The following NR6A1 variants were observed in gnomAD, a reference collection of about 807,000 sequenced individuals.
The protein encoded by NR6A1 is retinoic acid receptor-related testis-associated receptor.
NR6A1 carries 7 observed loss-of-function variants against 59.1 expected under a neutral mutation model. The ratio of observed to expected loss-of-function variants is 0.12; its 90% CI spans 0.07 to 0.22. The LOEUF is 0.22. Ranked by LOEUF, NR6A1 falls within the 10% of genes least tolerant of loss-of-function variation. The pLI is 1.00. For synonymous variants in NR6A1, 243 were observed against 236.1 expected (o/e 1.03, Z -0.27); for missense variants, 468 against 611.6 (o/e 0.77, Z 2.48).
chr9:124,702,105 A>G (rs772891574), intron 2 of NR6A1, among the ~76,000 whole-genome samples: 1 of 152,172 alleles, frequency 6.6e-6, no homozygotes, highest in Non-Finnish European at 1.5e-5. Context: ...TTGAAATGCA[A>G]AAGTTTTACA....
chr9:124,769,678 G>T (rs879304912), intron 1 of NR6A1, among the ~76,000 whole-genome samples: 13 of 152,228 alleles, frequency 8.5e-5, no homozygotes, highest in Non-Finnish European at 1.9e-4. Context: ...CGCAGCGAGG[G>T]GAGGAGGCAC....
At chr9:124,576,654 T>C (rs998068297) in intron 2 of NR6A1, among the ~76,000 whole-genome samples, 2 of 152,240 alleles carry the variant, frequency 1.3e-5, no homozygotes, top group African/African-American at 4.8e-5. Context: ...CTCCGAGCTT[T>C]GGTTTCCTAA....
chr9:124,709,968 C>A (rs966818320), intron 2 of NR6A1, among the ~76,000 whole-genome samples: 1 of 151,442 alleles, frequency 6.6e-6, no homozygotes, highest in African/African-American at 2.4e-5. Flanking sequence ...AAAAGAAACC[C>A]AGTACTTTCT....
rs142323221 is a variant in NR6A1 at position 124,660,247 on chromosome 9, A to G, written c.142+73061T>C. On this transcript the variant is annotated intron_variant, in intron 2 of 9. Coordinates refer to ENST00000487099, the MANE Select transcript of NR6A1 (RefSeq NM_033334.4). ...AAACACTAAAAATTAAGAGAAAAGC[A>G]GCCAACTAATTAAATAGCTAGCCTT... 3.5e-4 allele frequency among the ~76,000 whole-genome samples: 54 copies of G among 152,346 alleles called. 2 individuals carry two copies. The East Asian group carries it at 0.01, about 29-fold the overall frequency.
intron 2 of NR6A1, among the ~76,000 whole-genome samples, chr9:124,562,147 G>A (rs1019487083): frequency 2.0e-5 from 3 of 152,144 alleles, no homozygotes; most frequent in Non-Finnish European, 4.4e-5. Flanking sequence ...GGTTTCCTCT[G>A]AGAAGAATCT....
rs1221139449 is a variant in NR6A1, at chr9:124,521,962, G to A, written c.*743C>T. On this transcript the variant is annotated 3_prime_UTR_variant, in exon 10 of 10. Transcript: ENST00000487099. ...AAGTTCGCAGTGGTAGACAATGATGGTGGTGCAGGGGTAAGGGGGGCAGCA... is the reference window on the plus strand; with the variant it reads ...AAGTTCGCAGTGGTAGACAATGATGATGGTGCAGGGGTAAGGGGGGCAGCA... 6.6e-6 allele frequency: 1 copy of A among 152,316 alleles called. No individual in the cohort carries two copies. Among genetic ancestry groups the A allele is most frequent in the Non-Finnish European group, 1.5e-5 (1 of 68,094 alleles). 9.4% of individuals were successfully genotyped at this position (152,316 alleles called of 1,614,324 possible). A position where few individuals can be genotyped will look rare whatever the true frequency, so the allele number is the denominator to read the frequency against.
In NR6A1 at chr9:124,596,532, G is replaced by A. The variant is rs527942389; in HGVS notation, c.143-41962C>T. On this transcript the variant is annotated intron_variant, in intron 2 of 9. Transcript: ENST00000487099. ...ATATTAGTTTGGAGAAAGGAAACTA[G>A]GTCTGCAAAATCCTTTTACAAAGCA... Among the ~76,000 whole-genome samples, 88 of 152,264 alleles carry A rather than the reference G, an allele frequency of 5.8e-4. 2 individuals carry two copies. In the South Asian group the frequency reaches 7.2e-3, roughly 13 times the overall value.
At position 124,517,600 on chromosome 9, in the gene NR6A1, A is replaced by G. The variant is rs1402241377; in HGVS notation, c.*5105T>C. The G allele has an allele frequency of 1.3e-5, 2 of 152,226 alleles. No individual in the cohort carries two copies. Among genetic ancestry groups the G allele is most frequent in the African/African-American group, 4.8e-5 (2 of 41,432 alleles). 9.4% of individuals were successfully genotyped at this position (152,226 alleles called of 1,614,324 possible). A position where few individuals can be genotyped will look rare whatever the true frequency, so the allele number is the denominator to read the frequency against. On this transcript the variant is annotated 3_prime_UTR_variant, in exon 10 of 10. Coordinates refer to ENST00000487099, the MANE Select transcript of NR6A1 (RefSeq NM_033334.4). ...GGTGGAGGTGGACCTAGGGCAGGTA[A>G]CCTGGGGGTAGGCTCGTGGATGTGT...
intron 3 of NR6A1, among the ~76,000 whole-genome samples, chr9:124,546,603 A>G (rs1047316127): frequency 6.6e-6 from 1 of 152,238 alleles, no homozygotes; most frequent in Non-Finnish European, 1.5e-5. Flanking sequence ...AAAACAGAAC[A>G]AAGTTTTAAT....
In NR6A1 at chr9:124,657,703, C is replaced by T. The variant is rs562382694; in HGVS notation, c.142+75605G>A. Among the ~76,000 whole-genome samples the T allele has an allele frequency of 5.5e-4, 84 of 152,186 alleles. 1 individual carries two copies. The South Asian group carries it at 0.017, about 31-fold the overall frequency. ...CGTGGCTGTCTTGCATGATTAAAGG[C>T]TATGTCACAGCTCAGTAGGGTCCAT... On this transcript the variant is annotated intron_variant, in intron 2 of 9. Transcript: ENST00000487099.
chr9:124,667,301 G>A (rs1224252159), intron 2 of NR6A1, among the ~76,000 whole-genome samples: 1 of 151,692 alleles, frequency 6.6e-6, no homozygotes, highest in African/African-American at 2.4e-5. Flanking sequence ...AAAGTGCTGG[G>A]ATTACAGGTG....
At chr9:124,546,062 C>T (rs946833213) in intron 3 of NR6A1, among the ~76,000 whole-genome samples, 2 of 152,230 alleles carry the variant, frequency 1.3e-5, no homozygotes. Flanking sequence ...TTGCGGTGAA[C>T]TGAGATGGTG....
intron 2 of NR6A1, among the ~76,000 whole-genome samples, chr9:124,585,154 T>C (rs1233249843): frequency 1.3e-5 from 2 of 151,996 alleles, no homozygotes; most frequent in Non-Finnish European, 2.9e-5. Context: ...TCTATGATGG[T>C]TGAGAGAGGT....
chr9:124,625,182 G>A (rs1836199577), intron 2 of NR6A1, among the ~76,000 whole-genome samples: 1 of 152,182 alleles, frequency 6.6e-6, no homozygotes, highest in Non-Finnish European at 1.5e-5. Flanking sequence ...CTCACTAGCT[G>A]TGAGACCTTG....
intron 2 of NR6A1, among the ~76,000 whole-genome samples, chr9:124,623,348 A>AATT (rs539637537): frequency 5.3e-5 from 8 of 151,664 alleles, no homozygotes; most frequent in Non-Finnish European, 1.2e-4. Flanking sequence ...TCATGAGTCC[A>AATT]ATTATTATTA....
chr9:124,673,343 T>C (rs1227680444), intron 2 of NR6A1, among the ~76,000 whole-genome samples: 1 of 152,042 alleles, frequency 6.6e-6, no homozygotes, highest in Non-Finnish European at 1.5e-5. Context: ...GAAGACTCAG[T>C]GAGACATATG....
intron 2 of NR6A1, among the ~76,000 whole-genome samples, chr9:124,557,779 T>C (rs1251560793): frequency 6.6e-6 from 1 of 152,254 alleles, no homozygotes; most frequent in African/African-American, 2.4e-5. Context: ...TGATTGGCTA[T>C]GGAAGAATCT....
intron 3 of NR6A1, among the ~76,000 whole-genome samples, chr9:124,548,142 G>A (rs1232601948): frequency 7.1e-6 from 1 of 140,322 alleles, no homozygotes; most frequent in Non-Finnish European, 1.5e-5. Flanking sequence ...GAAGAGCAAG[G>A]GGGAGGGGGG....
At chr9:124,764,891 G>A (rs1224342801) in intron 1 of NR6A1, among the ~76,000 whole-genome samples, 1 of 152,166 alleles carries the variant, frequency 6.6e-6, no homozygotes, top group African/African-American at 2.4e-5. Context: ...CCAGGGAATT[G>A]GTTTTAGAAA....
Sources: gnomAD v4.1 joint callset for allele counts (sites outside exome capture counted in the v4.1 genomes callset) on GRCh38, gnomAD v4.1.1 for gene constraint, MANE v1.5 for transcripts, NCBI Gene and HGNC (gene_info 2026-07-23, HGNC 2026-07-21) for gene names.